The following SLC12A1 variants were observed in gnomAD, a reference collection of about 807,000 sequenced individuals.
The protein encoded by SLC12A1 is Na-K-2Cl cotransporter.
Under a neutral mutation model 130.4 loss-of-function variants are expected in SLC12A1, and 89 were observed. The observed-to-expected ratio is 0.68, with a 90% CI of 0.58 to 0.81. The LOEUF is 0.81. SLC12A1 is among the 40% of genes least tolerant of loss of function. The pLI is 0.00. For synonymous variants in SLC12A1, 499 were observed against 460.0 expected (o/e 1.08, Z -1.09); for missense variants, 1,310 against 1,336.4 (o/e 0.98, Z 0.31).
chr15:48,229,379 T>C (rs1394115737), intron 6 of SLC12A1, 51 bp downstream of exon 6: 2 of 1,542,722 alleles, frequency 1.3e-6, no homozygotes, highest in African/African-American at 1.4e-5. Context: ...TTTAGTTTAG[T>C]TTGCCTTCTC....
intron 2 of SLC12A1, among the ~76,000 whole-genome samples, chr15:48,220,227 T>C (rs2041193115): frequency 6.6e-6 from 1 of 151,556 alleles, no homozygotes; most frequent in Non-Finnish European, 1.5e-5. Flanking sequence ...GCACAGATCC[T>C]CTACTTAGCT....
chr15:48,247,585 C>A, intron 13 of SLC12A1, 125 bp downstream of exon 13: 1 of 731,576 alleles, frequency 1.4e-6, no homozygotes, highest in Non-Finnish European at 2.2e-6. Flanking sequence ...ATATTGGCAT[C>A]TAAGAAGGAA....
At chr15:48,224,449 G>A (rs1413042914) in intron 4 of SLC12A1, 1 of 152,122 alleles carries the variant, frequency 6.6e-6, no homozygotes, top group East Asian at 1.9e-4. Context: ...TTAGAACATG[G>A]GCTTATATAT....
At chr15:48,245,048 G>A in intron 11 of SLC12A1, 144 bp downstream of exon 11, 2 of 765,098 alleles carry the variant, frequency 2.6e-6, no homozygotes, top group Admixed American at 2.4e-5. Flanking sequence ...AATGAAAGGA[G>A]TCATACAGTC....
At chr15:48,256,537 A>G (rs1287308454) in intron 16 of SLC12A1, among the ~76,000 whole-genome samples, 1 of 152,224 alleles carries the variant, frequency 6.6e-6, no homozygotes, top group African/African-American at 2.4e-5. Context: ...ACCATTCCAC[A>G]TTGCTGAGGA....
At position 48,227,592 on chromosome 15, in the gene SLC12A1, C is replaced by T. The variant is rs115803093; in HGVS notation, c.724+1021C>T. 6.2e-3 allele frequency: 1,178 copies of T among 188,848 alleles called. 16 individuals are homozygous for T. The highest frequency in any genetic ancestry group is 0.026 in the African/African-American group (1,104 of 42,428). The allele number at this position is 188,848 out of a possible 1,614,324, so 11.7% of individuals were successfully genotyped here. A position where few individuals can be genotyped will look rare whatever the true frequency, so the allele number is the denominator to read the frequency against. The stretch of plus-strand genomic sequence containing the variant: ...CCCAGGCCTCGGGGCTCACCCCAAA[C>T]GCTGTGCTCCCAATGACCAACAGGC... On this transcript the variant is annotated intron_variant, in intron 5 of 26. Coordinates refer to ENST00000380993, the MANE Select transcript of SLC12A1 (RefSeq NM_000338.3).
intron 24 of SLC12A1, among the ~76,000 whole-genome samples, chr15:48,297,066 G>T (rs141643227): frequency 6.6e-6 from 1 of 152,134 alleles, no homozygotes; most frequent in Non-Finnish European, 1.5e-5. Flanking sequence ...TGGATTTCAG[G>T]GTAAGCTTGA....
chr15:48,251,888 A>G, intron 15 of SLC12A1, 118 bp downstream of exon 15: 1 of 834,034 alleles, frequency 1.2e-6, no homozygotes, highest in Non-Finnish European at 1.9e-6. Context: ...GTGGATATTA[A>G]TAATATCGTG....
In SLC12A1 at chr15:48,249,663, T is replaced by C. The variant is rs2041625393; in HGVS notation, c.1773T>C (p.Tyr591=). The C allele has an allele frequency of 1.2e-6, 2 of 1,612,974 alleles. No homozygotes were observed. Among genetic ancestry groups the C allele is most frequent in the African/African-American group, 2.7e-5 (2 of 75,056 alleles). Residue 591 remains tyrosine (Y), a synonymous_variant, in exon 14 of 27, where the codon TAT becomes TAC. Transcript: ENST00000380993. ...LINFSCFHAS[Y]AKSPGWRPAY... ...ATTTCTCCTGCTTCCATGCCTCTTA[T>C]GCCAAATCTCCAGGTAAGCTGACTT... is the stretch of plus-strand genomic sequence containing the variant.
intron 15 of SLC12A1, among the ~76,000 whole-genome samples, chr15:48,252,697 T>C (rs1286296204): frequency 1.3e-5 from 2 of 149,310 alleles, no homozygotes; most frequent in Non-Finnish European, 3.0e-5. Context: ...AAATGAGGGG[T>C]TTTTTAAATT....
intron 14 of SLC12A1, among the ~76,000 whole-genome samples, chr15:48,250,591 A>G (rs1320599869): frequency 6.6e-6 from 1 of 151,582 alleles, no homozygotes; most frequent in African/African-American, 2.4e-5. Context: ...AAAAAAGAGA[A>G]CGGGAAAGAA....
At chr15:48,234,767 T>C in intron 8 of SLC12A1, 110 bp from the exon 9 acceptor site, 1 of 1,059,928 alleles carries the variant, frequency 9.4e-7, no homozygotes, top group Non-Finnish European at 1.4e-6. Flanking sequence ...AAAAAAAAAT[T>C]AGAATATAGG....
intron 22 of SLC12A1, 76 bp downstream of exon 22, chr15:48,288,250 G>A (rs376334911): frequency 1.4e-6 from 2 of 1,406,118 alleles, no homozygotes; most frequent in African/African-American, 1.4e-5. Context: ...GAAGGTATAT[G>A]GGAACAATAC....
In SLC12A1 at chr15:48,246,999, G is replaced by A. The variant is rs182552195; in HGVS notation, c.1543G>A (p.Ala515Thr). 2.3e-5 allele frequency: 37 copies of A among 1,613,436 alleles called. No individual in the cohort carries two copies. The highest frequency in any genetic ancestry group is 8.9e-5 in the East Asian group (4 of 44,882). The change falls in exon 12 of 27, where the codon GCA becomes ACA. Residue 515 changes from alanine (A) to threonine (T), a missense_variant. By Grantham distance (58) the Ala-to-Thr change is moderately conservative. Transcript: ENST00000380993. ...CTCCGCCCTGGCCTCCCTTGTCAGCGCACCCAAAGTGTTCCAGGTAATACA... is the reference window on the plus strand; with the variant it reads ...CTCCGCCCTGGCCTCCCTTGTCAGCACACCCAAAGTGTTCCAGGTAATACA... The part of the protein sequence containing the change: ...LSSALASLVS[A>T]PKVFQALCKD...
chr15:48,236,092 AACACACACACACACAC>A (rs56371843), intron 9 of SLC12A1, among the ~76,000 whole-genome samples: 3 of 145,798 alleles, frequency 2.1e-5, no homozygotes, highest in African/African-American at 5.1e-5. Flanking sequence ...AGCCATTTCT[AACACACACACACACAC>A]ACACACACAC....
chr15:48,251,255 T>C (rs1028240104), intron 14 of SLC12A1, among the ~76,000 whole-genome samples: 11 of 151,896 alleles, frequency 7.2e-5, no homozygotes, highest in African/African-American at 2.7e-4. Flanking sequence ...CCCCACCTGG[T>C]AGATCCCACT....
chr15:48,255,549 C>A (rs1014441292), intron 15 of SLC12A1, among the ~76,000 whole-genome samples: 3 of 152,214 alleles, frequency 2.0e-5, no homozygotes, highest in Non-Finnish European at 2.9e-5. Flanking sequence ...CCTCTCCCAC[C>A]AAGCAAGATT....
chr15:48,285,138 G>A lies in SLC12A1; in HGVS notation c.2518G>A (p.Ala840Thr). 1 of 1,613,248 alleles carries A rather than the reference G, an allele frequency of 6.2e-7. No individual in the cohort carries two copies. Among genetic ancestry groups the A allele is most frequent in the Non-Finnish European group, 8.5e-7 (1 of 1,179,498 alleles). The change falls in exon 21 of 27, where the codon GCA becomes ACA. Residue 840 changes from alanine (A) to threonine (T), a missense_variant. Coordinates refer to ENST00000380993, the MANE Select transcript of SLC12A1 (RefSeq NM_000338.3). ...AGAGAGATTAGAACAGGAGAGACTA[G>A]CATTGGAAGCGACTATCAAAGATAA... Reference protein sequence around the residue: ...ELERLEQERLALEATIKDNEC... With the variant: ...ELERLEQERLTLEATIKDNEC...
At chr15:48,300,334 A>AC (rs1326867447) in intron 25 of SLC12A1, among the ~76,000 whole-genome samples, 1 of 152,034 alleles carries the variant, frequency 6.6e-6, no homozygotes, top group East Asian at 1.9e-4. Context: ...TAAAAAAAAA[A>AC]AAAAGAGAGA....
Sources: allele counts gnomAD v4.1 joint callset (sites outside exome capture counted in the v4.1 genomes callset), GRCh38; gene constraint gnomAD v4.1.1; transcripts MANE v1.5; gene names NCBI Gene and HGNC (gene_info 2026-07-23, HGNC 2026-07-21).